The following SRGAP2 variants were observed in gnomAD, a reference collection of about 807,000 sequenced individuals.
SRGAP2 encodes SLIT-ROBO Rho GTPase activating protein 2, also known as SLIT-ROBO Rho GTPase-activating protein 2.
In SRGAP2, 15 loss-of-function variants were observed where a neutral mutation model predicts 57.2. The observed-to-expected ratio is 0.26, with a 90% CI of 0.18 to 0.40. The LOEUF is 0.40. Ranked by LOEUF, SRGAP2 falls within the 10% of genes least tolerant of loss-of-function variation. The pLI is 1.00. For synonymous variants in SRGAP2, 249 were observed against 248.0 expected (o/e 1.00, Z -0.04); for missense variants, 520 against 669.6 (o/e 0.78, Z 2.47).
At chr1:206,305,795 C>G (rs1441487603) in intron 3 of SRGAP2, among the ~76,000 whole-genome samples, 1 of 151,454 alleles carries the variant, frequency 6.6e-6, no homozygotes, top group African/African-American at 2.4e-5. Context: ...AAAGCCAGCT[C>G]TGTGCAATGA....
In SRGAP2 at chr1:206,240,813, C is replaced by T. The variant is rs568738825; in HGVS notation, c.67+34776C>T. Among the ~76,000 whole-genome samples, 18 of 152,284 alleles carry T rather than the reference C, an allele frequency of 1.2e-4. No individual in the cohort carries two copies. In the East Asian group the frequency reaches 3.5e-3, roughly 29 times the overall value. On this transcript the variant is annotated intron_variant, in intron 2 of 22. Coordinates refer to ENST00000573034, the MANE Select transcript of SRGAP2 (RefSeq NM_015326.5). ...CCAAAGTCTGCCTCTAAAGCCTATG[C>T]TTTTCCCATAGGGCTGCTGAACCTG...
chr1:206,301,193 G>C (rs1671852431), intron 2 of SRGAP2, among the ~76,000 whole-genome samples: 1 of 151,950 alleles, frequency 6.6e-6, no homozygotes, highest in Non-Finnish European at 1.5e-5. Context: ...CACCATGCCT[G>C]GCTAATTTTT....
intron 4 of SRGAP2, among the ~76,000 whole-genome samples, chr1:206,343,288 A>ATT (rs1675357283): frequency 6.6e-6 from 1 of 152,124 alleles, no homozygotes; most frequent in Admixed American, 6.5e-5. Context: ...GAAAAAAAAT[A>ATT]TTTGAATTGG....
intron 3 of SRGAP2, among the ~76,000 whole-genome samples, chr1:206,326,933 C>T (rs1754475): frequency 6.6e-6 from 1 of 152,154 alleles, no homozygotes; most frequent in African/African-American, 2.4e-5. Flanking sequence ...GAGGCTGAGG[C>T]GGGAGGATTG....
intron 2 of SRGAP2, among the ~76,000 whole-genome samples, chr1:206,220,516 G>A (rs368447786): frequency 1.5e-4 from 23 of 152,076 alleles, no homozygotes; most frequent in East Asian, 7.7e-4. Flanking sequence ...TTCTGCCCTC[G>A]GACAGTTCTT....
rs541291176 is a variant in SRGAP2, at chr1:206,438,156, G to C, written c.1768+58G>C. On this transcript the variant is annotated intron_variant, in intron 16 of 22. Coordinates refer to ENST00000573034, the MANE Select transcript of SRGAP2 (RefSeq NM_015326.5). Reference sequence around the variant, plus strand: ...GGGCTACAGCACCGGTAGCAAGAGAGAAAAAGTTTCCACAGGGTCTGTGTG... The same window carrying C: ...GGGCTACAGCACCGGTAGCAAGAGACAAAAAGTTTCCACAGGGTCTGTGTG... 9.2e-6 allele frequency: 7 copies of C among 762,474 alleles called. No homozygotes were observed. In the Admixed American group the frequency reaches 1.3e-4, roughly 14 times the overall value. The allele number at this position is 762,474 out of a possible 1,614,324, so 47.2% of individuals were successfully genotyped here.
At chr1:206,363,539 G>A (rs1677064193) in intron 4 of SRGAP2, among the ~76,000 whole-genome samples, 1 of 151,938 alleles carries the variant, frequency 6.6e-6, no homozygotes, top group South Asian at 2.1e-4. Context: ...CCTTGCTAAT[G>A]TCCAATTCAA....
At chr1:206,275,857 C>T (rs1296069348) in intron 2 of SRGAP2, among the ~76,000 whole-genome samples, 1 of 152,034 alleles carries the variant, frequency 6.6e-6, no homozygotes. Flanking sequence ...CCTCGTGATC[C>T]ACCCGCCTGG....
At position 206,433,561 on chromosome 1, in the gene SRGAP2, A is replaced by G. The variant is rs115724960; in HGVS notation, c.1555+3339A>G. 5.3e-3 allele frequency among the ~76,000 whole-genome samples: 806 copies of G among 152,172 alleles called. 6 individuals are homozygous for G. Among genetic ancestry groups the G allele is most frequent in the African/African-American group, 0.018 (751 of 41,502 alleles). Reference sequence around the variant, plus strand: ...GAGGCTGAGGCACAAGAATCACTCAAACCCAGGAGATGGAGGTTGTGATGA... The same window carrying G: ...GAGGCTGAGGCACAAGAATCACTCAGACCCAGGAGATGGAGGTTGTGATGA... On this transcript the variant is annotated intron_variant, in intron 14 of 22. Coordinates refer to ENST00000573034, the MANE Select transcript of SRGAP2 (RefSeq NM_015326.5).
chr1:206,419,378 C>T lies in SRGAP2; in HGVS notation c.1447C>T (p.Arg483Trp), dbSNP rs577398952. The T allele has an allele frequency of 6.4e-6, 5 of 780,724 alleles. No individual in the cohort carries two copies. In the African/African-American group the frequency reaches 6.8e-5, roughly 11 times the overall value. The allele number at this position is 780,724 out of a possible 1,614,324, so 48.4% of individuals were successfully genotyped here. Reference sequence around the variant, plus strand: ...TGCCTTTGTGTTTCCAACAGGTCAGCGGACAGATTGCAGTCTAGCCAGGTG... The same window carrying T: ...TGCCTTTGTGTTTCCAACAGGTCAGTGGACAGATTGCAGTCTAGCCAGGTG... Reference protein sequence around the residue: ...LLQKTLGESQRTDCSLARRSS... With the variant: ...LLQKTLGESQWTDCSLARRSS... Residue 483 changes from arginine to tryptophan, a missense_variant, in exon 12 of 23, where the codon CGG (arginine) becomes TGG (tryptophan). Transcript: ENST00000573034.
Position 206,355,117 on chromosome 1 carries a change from T to C in SRGAP2, c.423+12109T>C, listed in dbSNP as rs570543825. On this transcript the variant is annotated intron_variant, in intron 4 of 22. Transcript: ENST00000573034. Reference sequence around the variant, plus strand: ...TTACTCAAAAAATCTCTTTGACAACTAGTTTGTCCAAGCCAGTATCTAATG... The same window carrying C: ...TTACTCAAAAAATCTCTTTGACAACCAGTTTGTCCAAGCCAGTATCTAATG... Among the ~76,000 whole-genome samples, 3 of 152,294 alleles carry C rather than the reference T, an allele frequency of 2.0e-5. No individual in the cohort carries two copies. The East Asian group carries it at 5.8e-4, about 29-fold the overall frequency.
At chr1:206,418,430 G>A (rs1371176731) in intron 11 of SRGAP2, among the ~76,000 whole-genome samples, 2 of 152,214 alleles carry the variant, frequency 1.3e-5, no homozygotes, top group African/African-American at 2.4e-5. Flanking sequence ...CCTTGGAGTT[G>A]CCTTTGCAAG....
intron 13 of SRGAP2, among the ~76,000 whole-genome samples, chr1:206,422,310 T>C (rs1660394344): frequency 6.6e-6 from 1 of 152,214 alleles, no homozygotes; most frequent in African/African-American, 2.4e-5. Context: ...AGCTTTGCTG[T>C]CACTATTTTC....
chr1:206,463,793 C>T lies in SRGAP2; in HGVS notation c.*2373C>T, dbSNP rs3813980. 35,414 of 152,546 alleles carry T rather than the reference C, an allele frequency of 0.23. 4,343 individuals are homozygous for T. Among genetic ancestry groups the T allele is most frequent in the South Asian group, 0.27 (1,288 of 4,820 alleles). 9.4% of individuals were successfully genotyped at this position (152,546 alleles called of 1,614,324 possible). On this transcript the variant is annotated 3_prime_UTR_variant, in exon 23 of 23. Transcript: ENST00000573034. ...GACTAGGAACCGATAGGAGGAGAGTCCTTCTCGGCAGAGCTCACTGCAAAC... is the reference window on the plus strand; with the variant it reads ...GACTAGGAACCGATAGGAGGAGAGTTCTTCTCGGCAGAGCTCACTGCAAAC...
intron 2 of SRGAP2, among the ~76,000 whole-genome samples, chr1:206,248,782 A>C (rs1179194859): frequency 6.7e-6 from 1 of 150,014 alleles, no homozygotes; most frequent in Admixed American, 6.7e-5. Flanking sequence ...CAACTTCAGA[A>C]TATATCCCAG....
chr1:206,414,029 C>CTTTTTT (rs201058533), intron 10 of SRGAP2, among the ~76,000 whole-genome samples: 5 of 145,152 alleles, frequency 3.4e-5, no homozygotes, highest in African/African-American at 1.1e-4. Context: ...TTTTCTTTTT[C>CTTTTTT]TTTCTTTTTT....
At chr1:206,292,646 A>T (rs1671392889) in intron 2 of SRGAP2, among the ~76,000 whole-genome samples, 1 of 147,414 alleles carries the variant, frequency 6.8e-6, no homozygotes, top group Non-Finnish European at 1.5e-5. Context: ...TTCTTAATCT[A>T]CTTTCCTATC....
chr1:206,411,536 G>A (rs1659224215), intron 10 of SRGAP2, among the ~76,000 whole-genome samples: 2 of 152,294 alleles, frequency 1.3e-5, no homozygotes, highest in South Asian at 4.1e-4. Flanking sequence ...AAAAATTGAC[G>A]GGGAGGAGGG....
At chr1:206,269,177 G>A (rs1670058448) in intron 2 of SRGAP2, among the ~76,000 whole-genome samples, 1 of 147,176 alleles carries the variant, frequency 6.8e-6, no homozygotes, top group Non-Finnish European at 1.5e-5. Flanking sequence ...AAAACAACTT[G>A]GATGAATCTC....
Sources: gnomAD v4.1 joint callset for allele counts (sites outside exome capture counted in the v4.1 genomes callset) on GRCh38, gnomAD v4.1.1 for gene constraint, MANE v1.5 for transcripts, NCBI Gene and HGNC (gene_info 2026-07-23, HGNC 2026-07-21) for gene names.